Variants in TBC1D4 observed in about 807,000 individuals in gnomAD.
TBC1D4 encodes the protein TBC1 domain family member 4, also known as TBC (Tre-2, BUB2, CDC16) domain-containing protein.
Under a neutral mutation model 142.5 loss-of-function variants are expected in TBC1D4, and 121 were observed. The observed-to-expected ratio is 0.85, with a 90% CI of 0.73 to 0.99. The LOEUF is 0.99. Among genes scored for constraint, TBC1D4 ranks in the 50% least tolerant of loss-of-function variants. TBC1D4 has a pLI of 0.00. For missense variants in TBC1D4, 1,475 were observed against 1,606.6 expected, an observed-to-expected ratio of 0.92 and a Z score of 1.40; for synonymous variants, 630 against 628.2, an observed-to-expected ratio of 1.00 and a Z score of -0.04.
In TBC1D4 at chr13:75,341,289, T is replaced by G. The variant is rs555205007; in HGVS notation, c.1501-54A>C. 2.0e-6 allele frequency: 3 copies of G among 1,521,904 alleles called. No homozygotes were observed. In the South Asian group the frequency reaches 3.4e-5, roughly 17 times the overall value. 94.3% of individuals were successfully genotyped at this position (1,521,904 alleles called of 1,614,324 possible). ...TATGGCAACACCACTTCCCTCCTTT[T>G]ATTCTGTCGGGCAGACAAACGTAAA... On this transcript the variant is annotated intron_variant, in intron 6 of 20. Coordinates refer to ENST00000377636, the MANE Select transcript of TBC1D4 (RefSeq NM_014832.5).
chr13:75,321,862 A>G (rs1878810419), intron 11 of TBC1D4, among the ~76,000 whole-genome samples: 1 of 152,266 alleles, frequency 6.6e-6, no homozygotes, highest in Non-Finnish European at 1.5e-5. Flanking sequence ...CAATAAAATG[A>G]ATGAAATAAA....
At chr13:75,318,244 A>T (rs1878474864) in intron 12 of TBC1D4, among the ~76,000 whole-genome samples, 1 of 150,914 alleles carries the variant, frequency 6.6e-6, no homozygotes, top group African/African-American at 2.5e-5. Flanking sequence ...TTCTGTCAGG[A>T]CCAGTCTTGC....
At chr13:75,308,891 A>T (rs1041770599) in intron 14 of TBC1D4, among the ~76,000 whole-genome samples, 9 of 152,304 alleles carry the variant, frequency 5.9e-5, no homozygotes, top group Admixed American at 5.9e-4. Context: ...CAGCGATTTT[A>T]AAAAATGTGC....
At chr13:75,381,236 C>G (rs986690066) in intron 1 of TBC1D4, among the ~76,000 whole-genome samples, 51 of 152,150 alleles carry the variant, frequency 3.4e-4, no homozygotes, top group Non-Finnish European at 8.8e-5. Flanking sequence ...TACAAAAAGT[C>G]TCCAATTTAT....
chr13:75,441,010 AC>A, intron 1 of TBC1D4, among the ~76,000 whole-genome samples: 1 of 152,144 alleles, frequency 6.6e-6, no homozygotes, highest in South Asian at 2.1e-4. Context: ...TAATTCCAAC[AC>A]TTTGGGAGGC....
chr13:75,461,521 T>C (rs1025935252), intron 1 of TBC1D4, among the ~76,000 whole-genome samples: 3 of 152,236 alleles, frequency 2.0e-5, no homozygotes, highest in African/African-American at 7.2e-5. Context: ...CAAAGTACTA[T>C]GATTATATTT....
intron 1 of TBC1D4, among the ~76,000 whole-genome samples, chr13:75,420,031 C>G (rs555049756): frequency 6.6e-6 from 1 of 152,266 alleles, no homozygotes; most frequent in African/African-American, 2.4e-5. Context: ...ACTGCGTGAA[C>G]AAACACAAAG....
In TBC1D4 at chr13:75,413,029, A is replaced by T. The variant is rs532981518; in HGVS notation, c.499-50422T>A. On this transcript the variant is annotated intron_variant, in intron 1 of 20. Transcript: ENST00000377636. Reference sequence around the variant, plus strand: ...GCTTACCTTCCAGTGGGGGAAACAGACAAGAAAATGGGCAAGTACAGTACA... The same window carrying T: ...GCTTACCTTCCAGTGGGGGAAACAGTCAAGAAAATGGGCAAGTACAGTACA... 2.0e-5 allele frequency among the ~76,000 whole-genome samples: 3 copies of T among 152,348 alleles called. No individual in the cohort carries two copies. In the South Asian group the frequency reaches 6.2e-4, roughly 32 times the overall value.
intron 1 of TBC1D4, among the ~76,000 whole-genome samples, chr13:75,392,645 CTTTT>C (rs1884551360): frequency 6.9e-6 from 1 of 145,728 alleles, no homozygotes; most frequent in Non-Finnish European, 1.5e-5. Context: ...TCACCTTCTT[CTTTT>C]TTAAGAGACA....
intron 13 of TBC1D4, among the ~76,000 whole-genome samples, chr13:75,311,691 C>T (rs1300206402): frequency 6.6e-6 from 1 of 152,160 alleles, no homozygotes. Flanking sequence ...TATTCCCAAA[C>T]ACATGTCATT....
chr13:75,446,322 A>G (rs3949914), intron 1 of TBC1D4, among the ~76,000 whole-genome samples: 31,650 of 152,232 alleles, frequency 0.21, 3,763 homozygotes, highest in Non-Finnish European at 0.27. Flanking sequence ...TTGTGCAAGC[A>G]TCACCTCTAT....
chr13:75,303,425 A>G (rs906958957), intron 15 of TBC1D4, among the ~76,000 whole-genome samples: 3 of 152,216 alleles, frequency 2.0e-5, no homozygotes, highest in African/African-American at 7.2e-5. Flanking sequence ...ATAATGAAAC[A>G]TTAACTCTAG....
chr13:75,359,908 T>C (rs1882362938), intron 2 of TBC1D4, 50 bp from the exon 3 acceptor site: 1 of 1,412,842 alleles, frequency 7.1e-7, no homozygotes, highest in African/African-American at 1.4e-5. Flanking sequence ...GGATCTAACA[T>C]CTTACTTTAT....
At chr13:75,377,833 C>T (rs1340701753) in intron 1 of TBC1D4, among the ~76,000 whole-genome samples, 1 of 151,430 alleles carries the variant, frequency 6.6e-6, no homozygotes, top group Non-Finnish European at 1.5e-5. Flanking sequence ...CTATCATAAA[C>T]CGGGCCTGAT....
At chr13:75,294,733 T>C (rs1875711733) in intron 18 of TBC1D4, 121 bp downstream of exon 18, 2 of 1,022,098 alleles carry the variant, frequency 2.0e-6, no homozygotes, top group Non-Finnish European at 2.9e-6. Flanking sequence ...TTAAATTCCA[T>C]TAGCAATTTG....
chr13:75,322,213 C>A (rs555663912), intron 11 of TBC1D4, among the ~76,000 whole-genome samples: 1 of 152,278 alleles, frequency 6.6e-6, no homozygotes, highest in East Asian at 1.9e-4. Context: ...ATCAAACTTT[C>A]AAAGTGTAGA....
intron 1 of TBC1D4, among the ~76,000 whole-genome samples, chr13:75,385,583 G>A (rs1482841020): frequency 1.3e-5 from 2 of 152,214 alleles, no homozygotes; most frequent in Non-Finnish European, 2.9e-5. Context: ...CAATTTGAAC[G>A]TGAGTATCTG....
chr13:75,357,110 G>A (rs1882116349), intron 3 of TBC1D4, among the ~76,000 whole-genome samples: 1 of 152,152 alleles, frequency 6.6e-6, no homozygotes, highest in Admixed American at 6.5e-5. Context: ...CTATCTCTGA[G>A]CATCCATTTC....
chr13:75,456,420 A>G (rs1335599789), intron 1 of TBC1D4, among the ~76,000 whole-genome samples: 1 of 152,216 alleles, frequency 6.6e-6, no homozygotes, highest in Non-Finnish European at 1.5e-5. Flanking sequence ...TATCTGAAAA[A>G]GGACACATAT....
Sources: gnomAD v4.1 joint callset for allele counts (sites outside exome capture counted in the v4.1 genomes callset) on GRCh38, gnomAD v4.1.1 for gene constraint, MANE v1.5 for transcripts, NCBI Gene and HGNC (gene_info 2026-07-23, HGNC 2026-07-21) for gene names.